ERO1B: variants seen among roughly 807,000 people sequenced by gnomAD.
ERO1B encodes endoplasmic reticulum oxidoreductase 1 beta.
Under a neutral mutation model 75.3 loss-of-function variants are expected in ERO1B, and 49 were observed. The ratio of observed to expected loss-of-function variants is 0.65; its 90% CI spans 0.52 to 0.83. ERO1B has a LOEUF of 0.83. Among genes scored for constraint, ERO1B ranks in the 40% least tolerant of loss-of-function variants. ERO1B has a pLI of 0.00. For missense variants in ERO1B, 512 were observed against 560.1 expected (o/e 0.91, Z 0.87); for synonymous variants, 191 against 192.9 (o/e 0.99, Z 0.08).
chr1:236,254,785 G>A (rs903036552), intron 2 of ERO1B, among the ~76,000 whole-genome samples: 9 of 150,628 alleles, frequency 6.0e-5, no homozygotes, highest in African/African-American at 2.2e-4. Flanking sequence ...GCTAATTTTT[G>A]TATTTTTAGT....
Position 236,220,961 on chromosome 1 carries a change from T to C in ERO1B, c.1214A>G (p.Gln405Arg). 1 of 1,542,130 alleles carries C rather than the reference T, an allele frequency of 6.5e-7. No homozygotes were observed. Among genetic ancestry groups the C allele is most frequent in the Non-Finnish European group, 8.7e-7 (1 of 1,150,996 alleles). ...KCRLWGKLQTQGLGTALKILF... is the reference protein window; with the variant it reads ...KCRLWGKLQTRGLGTALKILF... Reference sequence around the variant, plus strand: ...TATCTTCAGGGCAGTTCCTAAACCCTGAGTCTAAAGAAAATAGCAATAAAC... The same window carrying C: ...TATCTTCAGGGCAGTTCCTAAACCCCGAGTCTAAAGAAAATAGCAATAAAC... The change falls in exon 15 of 16, where the codon CAG becomes CGG. Residue 405 changes from glutamine to arginine, a missense_variant. Coordinates refer to ENST00000354619, the MANE Select transcript of ERO1B (RefSeq NM_019891.4).
chr1:236,253,036 TATA>T (rs1665073034), intron 3 of ERO1B, among the ~76,000 whole-genome samples: 1 of 152,030 alleles, frequency 6.6e-6, no homozygotes, highest in South Asian at 2.1e-4. Context: ...ATTAAATCAC[TATA>T]AATTTGAAAT....
intron 10 of ERO1B, among the ~76,000 whole-genome samples, chr1:236,228,350 G>C (rs1417083): frequency 0.069 from 10,443 of 152,184 alleles, 747 homozygotes; most frequent in East Asian, 0.39. Context: ...TATGCACCAA[G>C]TAAGTGCACC....
In ERO1B at chr1:236,269,106, G is replaced by A. The variant is rs181826613; in HGVS notation, c.222+769C>T. 6.6e-5 allele frequency among the ~76,000 whole-genome samples: 10 copies of A among 151,998 alleles called. 2 individuals are homozygous for A. Among genetic ancestry groups the A allele is most frequent in the African/African-American group, 2.4e-4 (10 of 41,442 alleles). ...AAAAACTAGCTGGGTGTGGTGGCGGGCGCCTGTAATCCCAGCTACTCAGAA... is the reference window on the plus strand; with the variant it reads ...AAAAACTAGCTGGGTGTGGTGGCGGACGCCTGTAATCCCAGCTACTCAGAA... On this transcript the variant is annotated intron_variant, in intron 2 of 15. Coordinates refer to ENST00000354619, the MANE Select transcript of ERO1B (RefSeq NM_019891.4).
At position 236,238,093 on chromosome 1, in the gene ERO1B, G is replaced by C. The variant is rs188573677; in HGVS notation, c.506-1695C>G. Among the ~76,000 whole-genome samples the C allele has an allele frequency of 1.9e-3, 291 of 152,202 alleles. 1 individual carries two copies. The highest frequency in any genetic ancestry group is 6.7e-3 in the African/African-American group (277 of 41,530). On this transcript the variant is annotated intron_variant, in intron 6 of 15. Coordinates refer to ENST00000354619, the MANE Select transcript of ERO1B (RefSeq NM_019891.4). ...TGATCTCAGGTGATCCACCTGCCTGGCACTTTCATGATGTAGGAAGAATAC... is the reference window on the plus strand; with the variant it reads ...TGATCTCAGGTGATCCACCTGCCTGCCACTTTCATGATGTAGGAAGAATAC...
intron 6 of ERO1B, among the ~76,000 whole-genome samples, chr1:236,242,471 A>G (rs1245875094): frequency 1.3e-5 from 2 of 152,134 alleles, no homozygotes; most frequent in Non-Finnish European, 2.9e-5. Context: ...AAATTTCCTT[A>G]CTGAAACCAT....
At chr1:236,253,078 G>GT (rs369452843) in intron 3 of ERO1B, among the ~76,000 whole-genome samples, 217 of 146,262 alleles carry the variant, frequency 1.5e-3, no homozygotes, top group African/African-American at 2.3e-3. Context: ...TTTTTATTTT[G>GT]TTTTTTTTTT....
intron 2 of ERO1B, among the ~76,000 whole-genome samples, chr1:236,262,401 C>CT (rs1455959586): frequency 1.3e-5 from 2 of 152,128 alleles, no homozygotes; most frequent in East Asian, 1.9e-4. Flanking sequence ...TCTTTTCAGT[C>CT]TTTTTTTGTT....
intron 6 of ERO1B, 98 bp from the exon 7 acceptor site, chr1:236,236,496 T>C: frequency 1.5e-6 from 2 of 1,325,322 alleles, no homozygotes; most frequent in Admixed American, 4.3e-5. Context: ...GTAAGAAAAA[T>C]GTCATGCTTT....
chr1:236,226,130 T>G, intron 12 of ERO1B, 139 bp downstream of exon 12: 1 of 805,236 alleles, frequency 1.2e-6, no homozygotes, highest in Non-Finnish European at 1.9e-6. Flanking sequence ...TTAAATTCTG[T>G]TGTTCTATTG....
intron 1 of ERO1B, among the ~76,000 whole-genome samples, chr1:236,272,258 G>A (rs572389630): frequency 1.3e-5 from 2 of 152,232 alleles, no homozygotes; most frequent in Non-Finnish European, 2.9e-5. Context: ...GCACTTGAAC[G>A]TTTATCACGG....
chr1:236,241,125 CAGG>C (rs1664688343), intron 6 of ERO1B, among the ~76,000 whole-genome samples: 1 of 152,148 alleles, frequency 6.6e-6, no homozygotes. Flanking sequence ...AGCAAAACAG[CAGG>C]AAATGGACAT....
At position 236,245,349 on chromosome 1, in the gene ERO1B, T is replaced by C. The variant is rs1323038893; in HGVS notation, c.432-1854A>G. ...ACACACGTATATATATACGTATATA[T>C]ATACACACGTATATATATACGTATA... On this transcript the variant is annotated intron_variant, in intron 5 of 15. Transcript: ENST00000354619. 3.5e-4 allele frequency among the ~76,000 whole-genome samples: 21 copies of C among 60,864 alleles called. 5 individuals carry two copies. The highest frequency in any genetic ancestry group is 4.3e-4 in the Non-Finnish European group (12 of 27,710). 39.9% of individuals were successfully genotyped at this position (60,864 alleles called of 152,430 possible).
At chr1:236,277,170 A>C (rs1219777857) in intron 1 of ERO1B, among the ~76,000 whole-genome samples, 2 of 152,188 alleles carry the variant, frequency 1.3e-5, no homozygotes. Flanking sequence ...TTGGGAGGCC[A>C]AGGCAGGCAG....
At chr1:236,230,652 G>C (rs901526735) in intron 9 of ERO1B, among the ~76,000 whole-genome samples, 4 of 143,564 alleles carry the variant, frequency 2.8e-5, no homozygotes, top group Non-Finnish European at 6.1e-5. Context: ...GACAGATTAA[G>C]TAATCTCTCT....
rs138588098 is a variant in ERO1B, at chr1:236,226,306, T to C, written c.1015A>G (p.Thr339Ala). The change falls in exon 12 of 16, where the codon ACA becomes GCA. Residue 339 changes from threonine to alanine, a missense_variant. By Grantham distance (58) the Thr-to-Ala change is moderately conservative. Transcript: ENST00000354619. ...AAGATATTCAGTAGAAGAGTTTTTGTGTCAGCATCTTCTTCTGCATTTCCA... is the reference window on the plus strand; with the variant it reads ...AAGATATTCAGTAGAAGAGTTTTTGCGTCAGCATCTTCTTCTGCATTTCCA... The part of the protein sequence containing the change: ...YTGNAEEDAD[T>A]KTLLLNIFQD... 71 of 1,613,906 alleles carry C rather than the reference T, an allele frequency of 4.4e-5. No homozygotes were observed. The highest frequency in any genetic ancestry group is 6.8e-6 in the Non-Finnish European group (8 of 1,179,922).
At chr1:236,260,648 G>C (rs1008200273) in intron 2 of ERO1B, among the ~76,000 whole-genome samples, 1 of 146,616 alleles carries the variant, frequency 6.8e-6, no homozygotes, top group African/African-American at 2.5e-5. Flanking sequence ...CTGGGCAACA[G>C]AGCAAGAGTT....
chr1:236,219,201 C>T lies in ERO1B; in HGVS notation c.1344-625G>A, dbSNP rs535681229. ...GATAGAAGAAAAATTATTCCTTAAT[C>T]ACTTAGGAGGACAGGCAATGTTCTA... On this transcript the variant is annotated intron_variant, in intron 15 of 15. Transcript: ENST00000354619. 1.1e-3 allele frequency among the ~76,000 whole-genome samples: 171 copies of T among 152,226 alleles called. 1 individual carries two copies. The highest frequency in any genetic ancestry group is 3.8e-3 in the African/African-American group (158 of 41,552).
intron 5 of ERO1B, among the ~76,000 whole-genome samples, chr1:236,245,967 T>C (rs540089377): frequency 6.6e-6 from 1 of 152,152 alleles, no homozygotes; most frequent in South Asian, 2.1e-4. Flanking sequence ...TTATATGCAG[T>C]GTATCATATT....
Sources: allele counts gnomAD v4.1 joint callset (sites outside exome capture counted in the v4.1 genomes callset), GRCh38; gene constraint gnomAD v4.1.1; transcripts MANE v1.5; gene names NCBI Gene and HGNC (gene_info 2026-07-23, HGNC 2026-07-21).